The following GRIA1 variants were observed in gnomAD, a reference collection of about 807,000 sequenced individuals.
The protein encoded by GRIA1 is glutamate receptor 1.
In GRIA1, 31 loss-of-function variants were observed where a neutral mutation model predicts 99.2. That is an observed-to-expected ratio of 0.31 (90% confidence interval 0.23 to 0.42). GRIA1 has a LOEUF of 0.42. Ranked by LOEUF, GRIA1 falls within the 10% of genes least tolerant of loss-of-function variation. The pLI, the probability that GRIA1 is intolerant of heterozygous loss-of-function variation, is 1.00. For synonymous variants in GRIA1, 438 were observed against 432.4 expected, an observed-to-expected ratio of 1.01 and a Z score of -0.16; for missense variants, 782 against 1,157.5, an observed-to-expected ratio of 0.68 and a Z score of 4.71.
intron 11 of GRIA1, among the ~76,000 whole-genome samples, chr5:153,757,924 G>A (rs1451912473): frequency 6.6e-6 from 1 of 152,084 alleles, no homozygotes; most frequent in African/African-American, 2.4e-5. Context: ...TATAATCATG[G>A]TGTGTAAATC....
rs148008926 is a variant in GRIA1 at position 153,650,492 on chromosome 5, G to C, written c.623G>C (p.Arg208Pro). 6.0e-4 allele frequency: 974 copies of C among 1,613,778 alleles called. 7 individuals are homozygous for C. In the African/African-American group the frequency reaches 0.012, roughly 19 times the overall value. ...RLVVVDCESE[R>P]LNAILGQIIK... ...GTGGTGGTGGACTGTGAATCAGAAC[G>C]CCTCAATGCTATCTTGGGCCAGGTA... The change falls in exon 4 of 16, where the codon CGC becomes CCC. Residue 208 changes from arginine (R) to proline (P), a missense_variant. Coordinates refer to ENST00000285900, the MANE Select transcript of GRIA1 (RefSeq NM_000827.4).
intron 2 of GRIA1, among the ~76,000 whole-genome samples, chr5:153,548,908 G>A (rs1043310384): frequency 3.3e-5 from 5 of 152,028 alleles, no homozygotes; most frequent in African/African-American, 1.2e-4. Context: ...TTAATAAATA[G>A]GCATTCACAC....
intron 11 of GRIA1, among the ~76,000 whole-genome samples, chr5:153,715,300 T>C (rs1272822825): frequency 1.3e-5 from 2 of 151,892 alleles, no homozygotes; most frequent in African/African-American, 4.8e-5. Context: ...TATTGTTCCC[T>C]CTGCTTGGAG....
chr5:153,604,174 A>G (rs1765252315), intron 2 of GRIA1, among the ~76,000 whole-genome samples: 2 of 152,088 alleles, frequency 1.3e-5, no homozygotes, highest in African/African-American at 4.8e-5. Context: ...AGAGGAAGAG[A>G]TGGGAGAAAG....
At chr5:153,790,859 T>A (rs1456845326) in intron 13 of GRIA1, among the ~76,000 whole-genome samples, 2 of 152,202 alleles carry the variant, frequency 1.3e-5, no homozygotes, top group Non-Finnish European at 2.9e-5. Context: ...AAGGGATAGC[T>A]TCTGCTATCC....
chr5:153,746,634 G>GAAA (rs1762179804), intron 11 of GRIA1, among the ~76,000 whole-genome samples: 2 of 152,168 alleles, frequency 1.3e-5, no homozygotes, highest in African/African-American at 4.8e-5. Context: ...AAAATGAGCT[G>GAAA]ATGGATCAGC....
intron 8 of GRIA1, among the ~76,000 whole-genome samples, chr5:153,694,442 A>C (rs972048847): frequency 6.6e-6 from 1 of 152,234 alleles, no homozygotes; most frequent in Non-Finnish European, 1.5e-5. Flanking sequence ...GAAAACAGAA[A>C]TGTCTTGTAG....
At chr5:153,673,365 A>T (rs1225370580) in intron 5 of GRIA1, among the ~76,000 whole-genome samples, 1 of 152,210 alleles carries the variant, frequency 6.6e-6, no homozygotes, top group Non-Finnish European at 1.5e-5. Context: ...GCTACCGCAG[A>T]GTATACTATC....
At chr5:153,652,828 G>A (rs751475585) in intron 4 of GRIA1, among the ~76,000 whole-genome samples, 1 of 152,132 alleles carries the variant, frequency 6.6e-6, no homozygotes, top group Non-Finnish European at 1.5e-5. Flanking sequence ...GACAAATAAT[G>A]AATGACAGTA....
chr5:153,730,993 G>C (rs753581082), intron 11 of GRIA1, among the ~76,000 whole-genome samples: 11 of 152,018 alleles, frequency 7.2e-5, no homozygotes, highest in Non-Finnish European at 1.0e-4. Flanking sequence ...TTAGACTTAT[G>C]TTCAGACCAG....
At chr5:153,634,056 C>T (rs189965460) in intron 2 of GRIA1, among the ~76,000 whole-genome samples, 15 of 152,262 alleles carry the variant, frequency 9.9e-5, no homozygotes, top group African/African-American at 3.6e-4. Context: ...GTGGCTCACT[C>T]CTGTAATCCC....
chr5:153,617,853 G>A (rs1766658739), intron 2 of GRIA1, among the ~76,000 whole-genome samples: 6 of 152,088 alleles, frequency 3.9e-5, no homozygotes, highest in Admixed American at 3.9e-4. Flanking sequence ...GTGACTATGA[G>A]TCTAAAAAGC....
intron 10 of GRIA1, among the ~76,000 whole-genome samples, chr5:153,700,895 G>T (rs1042498103): frequency 6.6e-6 from 1 of 152,208 alleles, no homozygotes; most frequent in Non-Finnish European, 1.5e-5. Context: ...GAGATGACAT[G>T]TGAAGGTGGT....
intron 2 of GRIA1, among the ~76,000 whole-genome samples, chr5:153,603,583 G>A (rs534810289): frequency 6.6e-6 from 1 of 152,268 alleles, no homozygotes; most frequent in East Asian, 1.9e-4. Context: ...GTAAAGGCTT[G>A]AGAAGCTGGA....
rs147101982 is a variant in GRIA1, at chr5:153,668,228, A to C, written c.700-6272A>C. On this transcript the variant is annotated intron_variant, in intron 5 of 15. Transcript: ENST00000285900. ...ACTGGCCATATAACCTTAAGCCACTATTCCCATCTCTGGGCCTCAGTTTCC... is the reference window on the plus strand; with the variant it reads ...ACTGGCCATATAACCTTAAGCCACTCTTCCCATCTCTGGGCCTCAGTTTCC... Among the ~76,000 whole-genome samples the C allele has an allele frequency of 8.6e-3, 1,304 of 152,278 alleles. 8 individuals are homozygous for C. Among genetic ancestry groups the C allele is most frequent in the Middle Eastern group, 0.017 (5 of 294 alleles).
chr5:153,628,888 C>T lies in GRIA1; in HGVS notation c.221-18040C>T, dbSNP rs896425700. ...GAAGGACAGTTACCATAGTCAGCCTCTCAGTTAGAATTCTGTCGTGTCTAC... is the reference window on the plus strand; with the variant it reads ...GAAGGACAGTTACCATAGTCAGCCTTTCAGTTAGAATTCTGTCGTGTCTAC... On this transcript the variant is annotated intron_variant, in intron 2 of 15. Coordinates refer to ENST00000285900, the MANE Select transcript of GRIA1 (RefSeq NM_000827.4). 3.3e-5 allele frequency among the ~76,000 whole-genome samples: 5 copies of T among 152,196 alleles called. No individual in the cohort carries two copies. The South Asian group carries it at 8.3e-4, about 25-fold the overall frequency.
intron 2 of GRIA1, among the ~76,000 whole-genome samples, chr5:153,581,753 TC>T (rs1449932847): frequency 4.9e-5 from 2 of 41,114 alleles, no homozygotes; most frequent in African/African-American, 2.1e-4. Context: ...CTTTCTTTTC[TC>T]TTTTTTTTTT....
intron 2 of GRIA1, among the ~76,000 whole-genome samples, chr5:153,515,634 T>G (rs1021285459): frequency 3.3e-5 from 5 of 151,346 alleles, no homozygotes; most frequent in Admixed American, 6.6e-5. Context: ...CACAAAGAAA[T>G]GACAAGTATG....
intron 11 of GRIA1, among the ~76,000 whole-genome samples, chr5:153,722,507 TTTTG>T (rs1311191612): frequency 6.6e-6 from 1 of 152,182 alleles, no homozygotes; most frequent in East Asian, 1.9e-4. Flanking sequence ...GGTCAAGATT[TTTTG>T]TTTGTTTGTT....
Sources: allele counts gnomAD v4.1 joint callset (sites outside exome capture counted in the v4.1 genomes callset), GRCh38; gene constraint gnomAD v4.1.1; transcripts MANE v1.5; gene names NCBI Gene and HGNC (gene_info 2026-07-23, HGNC 2026-07-21).